The following CA10 variants were observed in gnomAD, a reference collection of about 807,000 sequenced individuals.
CA10 encodes carbonic anhydrase 10 (inactive), also known as carbonic anhydrase-related protein 10.
Under a neutral mutation model 44.2 loss-of-function variants are expected in CA10, and 14 were observed. That is an observed-to-expected ratio of 0.32 (90% CI 0.21 to 0.50). CA10 has a LOEUF of 0.50. Among genes scored for constraint, CA10 ranks in the 20% least tolerant of loss-of-function variants. The pLI is 0.99. For missense variants in CA10, 350 were observed against 409.7 expected, an observed-to-expected ratio of 0.85 and a Z score of 1.26; for synonymous variants, 159 against 141.6, an observed-to-expected ratio of 1.12 and a Z score of -0.87.
rs117886529 is a variant in CA10, at chr17:52,102,593, C to T, written c.62-30200G>A. On this transcript the variant is annotated intron_variant, in intron 1 of 8. Coordinates refer to ENST00000451037, the MANE Select transcript of CA10 (RefSeq NM_020178.5). ...ACTAGAAGCTTTCCAGTAGGACAGACAAAACGAGGCAACTACATAACCCAA... is the reference window on the plus strand; with the variant it reads ...ACTAGAAGCTTTCCAGTAGGACAGATAAAACGAGGCAACTACATAACCCAA... Among the ~76,000 whole-genome samples the T allele has an allele frequency of 4.8e-3, 724 of 152,302 alleles. 2 individuals carry two copies. The highest frequency in any genetic ancestry group is 0.017 in the Middle Eastern group (5 of 294).
At chr17:51,698,522 A>T (rs1196320006) in intron 4 of CA10, among the ~76,000 whole-genome samples, 1 of 152,260 alleles carries the variant, frequency 6.6e-6, no homozygotes, top group Non-Finnish European at 1.5e-5. Context: ...AGTCAAATTA[A>T]TTAACATATC....
At chr17:52,155,767 T>G (rs566247575) in intron 1 of CA10, among the ~76,000 whole-genome samples, 12 of 152,356 alleles carry the variant, frequency 7.9e-5, no homozygotes, top group African/African-American at 2.9e-4. Context: ...GCAATTTTGC[T>G]TACACTTTTA....
intron 1 of CA10, among the ~76,000 whole-genome samples, chr17:52,107,457 T>C (rs1393526192): frequency 6.6e-6 from 1 of 152,162 alleles, no homozygotes; most frequent in African/African-American, 2.4e-5. Flanking sequence ...CTAGAAAACA[T>C]AGGATTTATT....
chr17:51,925,111 A>T (rs547736134), intron 3 of CA10, among the ~76,000 whole-genome samples: 2 of 151,248 alleles, frequency 1.3e-5, no homozygotes, highest in African/African-American at 4.9e-5. Flanking sequence ...CTGGTCTTGA[A>T]CTCCTGGCTT....
At chr17:51,864,787 A>G (rs1239098724) in intron 3 of CA10, among the ~76,000 whole-genome samples, 1 of 152,216 alleles carries the variant, frequency 6.6e-6, no homozygotes, top group Non-Finnish European at 1.5e-5. Flanking sequence ...AGTCAAATCA[A>G]TAAACAACAT....
intron 2 of CA10, among the ~76,000 whole-genome samples, chr17:51,964,576 A>G (rs1984010676): frequency 6.6e-6 from 1 of 152,030 alleles, no homozygotes; most frequent in Non-Finnish European, 1.5e-5. Context: ...ACCACAATGG[A>G]ATAAAAATAG....
chr17:51,998,804 C>T (rs1243839065), intron 2 of CA10, among the ~76,000 whole-genome samples: 1 of 151,830 alleles, frequency 6.6e-6, no homozygotes, highest in Admixed American at 6.6e-5. Flanking sequence ...AGTAATAATC[C>T]AGGGGTGTCA....
intron 2 of CA10, among the ~76,000 whole-genome samples, chr17:52,007,270 T>G (rs1421675042): frequency 6.6e-6 from 1 of 151,652 alleles, no homozygotes; most frequent in African/African-American, 2.4e-5. Context: ...AGTAACAAAT[T>G]TAAGTGCTAG....
intron 3 of CA10, among the ~76,000 whole-genome samples, chr17:51,915,286 G>A (rs1023047027): frequency 2.0e-5 from 3 of 152,168 alleles, no homozygotes; most frequent in Admixed American, 1.3e-4. Context: ...CAATTTGTTC[G>A]TCAAAACAGA....
chr17:52,054,265 G>C (rs1987161374), intron 2 of CA10, among the ~76,000 whole-genome samples: 1 of 152,140 alleles, frequency 6.6e-6, no homozygotes, highest in Admixed American at 6.5e-5. Context: ...GGGGACAGCT[G>C]TCTTTTACGG....
At chr17:51,849,115 GTATA>G (rs1217787786) in intron 3 of CA10, among the ~76,000 whole-genome samples, 1 of 139,728 alleles carries the variant, frequency 7.2e-6, no homozygotes, top group Admixed American at 7.3e-5. Context: ...ATATGTGTGT[GTATA>G]TATATAAATA....
chr17:51,860,449 T>C (rs1979251799), intron 3 of CA10, among the ~76,000 whole-genome samples: 2 of 152,196 alleles, frequency 1.3e-5, no homozygotes, highest in South Asian at 4.1e-4. Flanking sequence ...GCCAAATATG[T>C]GATGTTTCTG....
At chr17:51,955,061 T>G (rs868482376) in intron 2 of CA10, among the ~76,000 whole-genome samples, 11 of 152,078 alleles carry the variant, frequency 7.2e-5, no homozygotes, top group African/African-American at 2.4e-4. Context: ...ATAGCCCGGC[T>G]CTTGGGTGGA....
In CA10 at chr17:52,094,149, G is replaced by A. The variant is rs114850613; in HGVS notation, c.62-21756C>T. Among the ~76,000 whole-genome samples, 1,377 of 152,226 alleles carry A rather than the reference G, an allele frequency of 9.0e-3. 14 individuals carry two copies. The highest frequency in any genetic ancestry group is 0.029 in the African/African-American group (1,213 of 41,536). The stretch of plus-strand genomic sequence containing the variant: ...TCACACACTGGAGCCTGCGGGGTGT[G>A]GGGGCTGGGGGAGGAATAACATTAG... On this transcript the variant is annotated intron_variant, in intron 1 of 8. Transcript: ENST00000451037.
intron 1 of CA10, among the ~76,000 whole-genome samples, chr17:52,113,848 C>T (rs1200675477): frequency 2.6e-5 from 4 of 152,160 alleles, no homozygotes; most frequent in Non-Finnish European, 4.4e-5. Flanking sequence ...GTTAATCAGT[C>T]GCTGAACCTT....
chr17:51,702,787 G>T (rs907810986), intron 4 of CA10, among the ~76,000 whole-genome samples: 4 of 152,138 alleles, frequency 2.6e-5, no homozygotes, highest in South Asian at 2.1e-4. Context: ...GAGGGTCCCT[G>T]GTTCTCTCAG....
chr17:51,965,881 G>GA (rs953680420), intron 2 of CA10, among the ~76,000 whole-genome samples: 4 of 151,762 alleles, frequency 2.6e-5, no homozygotes, highest in South Asian at 4.2e-4. Flanking sequence ...TCAGGCAAGA[G>GA]AAAAAAATAA....
At chr17:51,696,823 G>A (rs767645155) in intron 4 of CA10, among the ~76,000 whole-genome samples, 1 of 151,924 alleles carries the variant, frequency 6.6e-6, no homozygotes, top group East Asian at 1.9e-4. Flanking sequence ...TGGACCTCTT[G>A]GATAGAACCA....
intron 2 of CA10, among the ~76,000 whole-genome samples, chr17:52,032,794 G>A (rs925331914): frequency 5.3e-5 from 8 of 152,094 alleles, no homozygotes; most frequent in Middle Eastern, 3.2e-3. Context: ...GGAGAAAAAT[G>A]GGCCAACATG....
Sources: gnomAD v4.1 joint callset for allele counts (sites outside exome capture counted in the v4.1 genomes callset) on GRCh38, gnomAD v4.1.1 for gene constraint, MANE v1.5 for transcripts, NCBI Gene and HGNC (gene_info 2026-07-23, HGNC 2026-07-21) for gene names.